The following EMILIN2 variants were observed in gnomAD, a reference collection of about 807,000 sequenced individuals.
EMILIN2 encodes the protein EMILIN-2.
EMILIN2 carries 71 observed loss-of-function variants against 87.1 expected under a neutral mutation model. The ratio of observed to expected loss-of-function variants is 0.82; its 90% CI spans 0.67 to 0.99. The LOEUF (loss-of-function observed/expected upper bound fraction) is 0.99. EMILIN2 is among the 50% of genes least tolerant of loss of function. The probability of loss-of-function intolerance (pLI) is 0.00; values close to 1 mark genes in which losing one functional copy is unlikely to be tolerated. For missense variants in EMILIN2, 1,407 were observed against 1,371.8 expected, an observed-to-expected ratio of 1.03 and a Z score of -0.40; for synonymous variants, 581 against 563.4, an observed-to-expected ratio of 1.03 and a Z score of -0.44.
intron 7 of EMILIN2, 101 bp downstream of exon 7, chr18:2,909,920 C>A (rs1410967129): frequency 4.6e-6 from 7 of 1,520,136 alleles, no homozygotes; most frequent in Non-Finnish European, 6.2e-6. Flanking sequence ...CCCGTGGGCT[C>A]AGGGAGGACG....
At chr18:2,861,398 T>A (rs1469167176) in intron 2 of EMILIN2, among the ~76,000 whole-genome samples, 1 of 152,250 alleles carries the variant, frequency 6.6e-6, no homozygotes, top group Admixed American at 6.5e-5. Context: ...CCATCTTGAA[T>A]TAATTTTTGT....
At chr18:2,873,419 A>G (rs1203647819) in intron 2 of EMILIN2, among the ~76,000 whole-genome samples, 1 of 150,768 alleles carries the variant, frequency 6.6e-6, no homozygotes, top group Non-Finnish European at 1.5e-5. Flanking sequence ...CAACAAAATA[A>G]ATAAATAGCT....
chr18:2,886,824 C>T (rs897560790), intron 3 of EMILIN2, among the ~76,000 whole-genome samples: 2 of 152,174 alleles, frequency 1.3e-5, no homozygotes, highest in African/African-American at 2.4e-5. Flanking sequence ...TTCTCTGGCT[C>T]TCTAAATGTC....
chr18:2,878,497 GAA>G (rs879432468), intron 2 of EMILIN2, among the ~76,000 whole-genome samples: 2 of 139,920 alleles, frequency 1.4e-5, no homozygotes, highest in Non-Finnish European at 3.1e-5. Context: ...CTCAAGGAAG[GAA>G]AAAAAAAAAA....
At chr18:2,849,508 C>A (rs2076592828) in intron 2 of EMILIN2, among the ~76,000 whole-genome samples, 1 of 152,084 alleles carries the variant, frequency 6.6e-6, no homozygotes, top group Non-Finnish European at 1.5e-5. Flanking sequence ...TTCTATTTGA[C>A]CAAAACTCAG....
chr18:2,913,440 T>C lies in EMILIN2; in HGVS notation c.*36T>C. 1 of 1,478,390 alleles carries C rather than the reference T, an allele frequency of 6.8e-7. No homozygotes were observed. The highest frequency in any genetic ancestry group is 9.1e-7 in the Non-Finnish European group (1 of 1,092,946). 91.6% of individuals were successfully genotyped at this position (1,478,390 alleles called of 1,614,324 possible). On this transcript the variant is annotated 3_prime_UTR_variant, in exon 8 of 8. Transcript: ENST00000254528. Reference sequence around the variant, plus strand: ...GAGATGTCAGGGGAAAGATAGATAGTTGTAAAAACTCTAAAGCTTTAATAT... The same window carrying C: ...GAGATGTCAGGGGAAAGATAGATAGCTGTAAAAACTCTAAAGCTTTAATAT...
chr18:2,901,481 G>A (rs1026054023), intron 4 of EMILIN2, among the ~76,000 whole-genome samples: 2 of 152,232 alleles, frequency 1.3e-5, no homozygotes, highest in African/African-American at 4.8e-5. Flanking sequence ...TTTTGAAATT[G>A]ACTTTTAATA....
At chr18:2,878,446 C>T (rs1038143492) in intron 2 of EMILIN2, among the ~76,000 whole-genome samples, 6 of 151,476 alleles carry the variant, frequency 4.0e-5, no homozygotes, top group African/African-American at 9.7e-5. Context: ...GCCGAGATCA[C>T]GCCACTGCAC....
chr18:2,907,150 G>A (rs1437701496), intron 5 of EMILIN2, 65 bp downstream of exon 5: 1 of 1,222,006 alleles, frequency 8.2e-7, no homozygotes, highest in Non-Finnish European at 1.0e-6. Flanking sequence ...TGAGCCTCGG[G>A]GTCTGCTGAG....
intron 4 of EMILIN2, among the ~76,000 whole-genome samples, chr18:2,905,696 G>A (rs1036886558): frequency 6.6e-6 from 1 of 151,910 alleles, no homozygotes; most frequent in African/African-American, 2.4e-5. Flanking sequence ...TCCACCTCCT[G>A]GGTTCAAGTG....
At chr18:2,877,493 CA>C (rs1407771603) in intron 2 of EMILIN2, among the ~76,000 whole-genome samples, 2 of 145,130 alleles carry the variant, frequency 1.4e-5, no homozygotes, top group Middle Eastern at 3.5e-3. Context: ...TCTAGAAAAT[CA>C]GTCTACTGGC....
In EMILIN2 at chr18:2,913,555, C is replaced by A; in HGVS notation, c.*151C>A. 2 of 630,050 alleles carry A rather than the reference C, an allele frequency of 3.2e-6. No homozygotes were observed. Among genetic ancestry groups the A allele is most frequent in the Non-Finnish European group, 5.4e-6 (2 of 372,082 alleles). 39.0% of individuals were successfully genotyped at this position (630,050 alleles called of 1,614,324 possible). The stretch of plus-strand genomic sequence containing the variant: ...TTCCCTCGCTGTTGAGGCCACCATG[C>A]CTTACTGCATCCAGCCAGGCTGCAG... On this transcript the variant is annotated 3_prime_UTR_variant, in exon 8 of 8. Coordinates refer to ENST00000254528, the MANE Select transcript of EMILIN2 (RefSeq NM_032048.3).
At chr18:2,875,920 T>C (rs1050225467) in intron 2 of EMILIN2, among the ~76,000 whole-genome samples, 1 of 152,076 alleles carries the variant, frequency 6.6e-6, no homozygotes, top group African/African-American at 2.4e-5. Context: ...TGGGGAAAAC[T>C]TCTATTCATT....
At position 2,847,912 on chromosome 18, in the gene EMILIN2, C is replaced by T. The variant is rs1158344231; in HGVS notation, c.238C>T (p.Pro80Ser). The T allele has an allele frequency of 3.7e-6, 6 of 1,612,044 alleles. No individual in the cohort carries two copies. The East Asian group carries it at 6.7e-5, about 18-fold the overall frequency. The change falls in exon 2 of 8, where the codon CCC becomes TCC. Residue 80 changes from proline to serine, a missense_variant. Physicochemically the swap from Pro to Ser is moderately conservative, Grantham distance 74. Transcript: ENST00000254528. This position sits in a 1 kb window ranked among gnomAD's most constrained non-coding sequence, Gnocchi z 4.5. The stretch of plus-strand genomic sequence containing the variant: ...GTACAACTGTGCCTGGAACCAGATG[C>T]CCTGTCCGTCGGCGCTGGTGTAAGT... ...AQYNCAWNQM[P>S]CPSALVYRVN...
chr18:2,912,491 GC>G (rs1336073733), intron 7 of EMILIN2, among the ~76,000 whole-genome samples: 1 of 152,208 alleles, frequency 6.6e-6, no homozygotes, highest in African/African-American at 2.4e-5. Flanking sequence ...TAGCTGTGGG[GC>G]CACCTACAGC....
At chr18:2,866,379 C>T (rs544799128) in intron 2 of EMILIN2, among the ~76,000 whole-genome samples, 1 of 152,280 alleles carries the variant, frequency 6.6e-6, no homozygotes, top group South Asian at 2.1e-4. Flanking sequence ...TGTAGTTTTC[C>T]TTGTGGAGGT....
rs542948181 is a variant in EMILIN2 at position 2,906,912 on chromosome 18, C to T, written c.2489C>T (p.Pro830Leu). 2.9e-6 allele frequency: 4 copies of T among 1,394,926 alleles called. No homozygotes were observed. Among genetic ancestry groups the T allele is most frequent in the Middle Eastern group, 2.6e-4 (1 of 3,818 alleles). 86.4% of individuals were successfully genotyped at this position (1,394,926 alleles called of 1,614,324 possible). The stretch of plus-strand genomic sequence containing the variant: ...CGACGGCCCGTCCTGCCCCAGCGGC[C>T]CCCCGAGGAGAGGCCGCCCCAGCCG... ...PGRRPVLPQR[P>L]PEERPPQPPG... The change falls in exon 5 of 8, where the codon CCC becomes CTC. Residue 830 changes from proline (P) to leucine (L), a missense_variant. Pro to Leu is a moderately conservative substitution (Grantham distance 98). Coordinates refer to ENST00000254528, the MANE Select transcript of EMILIN2 (RefSeq NM_032048.3).
chr18:2,847,324 TA>T lies in EMILIN2; in HGVS notation c.134+4del. 1 of 1,316,242 alleles carries T rather than the reference TA, an allele frequency of 7.6e-7. No individual in the cohort carries two copies. Among genetic ancestry groups the T allele is most frequent in the South Asian group, 2.0e-5 (1 of 49,374 alleles). The allele number at this position is 1,316,242 out of a possible 1,614,324, so 81.5% of individuals were successfully genotyped here. On this transcript the variant is annotated splice_donor_region_variant and intron_variant, in intron 1 of 7. Transcript: ENST00000254528. The surrounding 1 kb of genome is among the most constrained non-coding windows in gnomAD (Gnocchi z 4.5). ...CGCGCGGCCCAGCGCCAGGAACAAG[TA>T]AGTGCGCGCCCCTTGGCTGGCCCCA...
rs375574197 is a variant in EMILIN2, at chr18:2,891,301, G to C, written c.1174G>C (p.Ala392Pro). The change falls in exon 4 of 8, where the codon GCC (alanine) becomes CCC (proline). Residue 392 changes from alanine (A) to proline (P), a missense_variant. By Grantham distance (27) the Ala-to-Pro change is conservative. Coordinates refer to ENST00000254528, the MANE Select transcript of EMILIN2 (RefSeq NM_032048.3). The surrounding 1 kb of genome is among the most constrained non-coding windows in gnomAD (Gnocchi z 4.6). ...NLRARLQEPS[A>P]QANCCDSEKN... ...CCGAGCCCGGCTACAGGAGCCTTCA[G>C]CCCAGGCAAATTGCTGCGACAGTGA... 1.2e-4 allele frequency: 186 copies of C among 1,614,092 alleles called. No individual in the cohort carries two copies. Among genetic ancestry groups the C allele is most frequent in the Non-Finnish European group, 1.5e-4 (181 of 1,180,050 alleles).
Sources: gnomAD v4.1 joint callset for allele counts (sites outside exome capture counted in the v4.1 genomes callset) on GRCh38, gnomAD v4.1.1 for gene constraint, Gnocchi (gnomAD v3.1) non-coding constraint, MANE v1.5 for transcripts, NCBI Gene and HGNC (gene_info 2026-07-23, HGNC 2026-07-21) for gene names.